Variants in C8orf34 observed in about 807,000 individuals in gnomAD.
C8orf34 encodes chromosome 8 open reading frame 34, also known as uncharacterized protein C8orf34.
Under a neutral mutation model 68.3 loss-of-function variants are expected in C8orf34, and 65 were observed. That is an observed-to-expected ratio of 0.95 (90% CI 0.78 to 1.17). The LOEUF is 1.17. C8orf34 is among the 50% of genes most tolerant of loss of function. The probability of loss-of-function intolerance (pLI) is 0.00; values close to 1 mark genes in which losing one functional copy is unlikely to be tolerated. For synonymous variants in C8orf34, 244 were observed against 241.2 expected (o/e 1.01, Z -0.11); for missense variants, 664 against 655.4 (o/e 1.01, Z -0.14).
intron 4 of C8orf34, among the ~76,000 whole-genome samples, chr8:68,485,122 A>C (rs1813019490): frequency 6.6e-6 from 1 of 152,168 alleles, no homozygotes; most frequent in Non-Finnish European, 1.5e-5. Context: ...CAACTGCTAA[A>C]ATTTTCCAGC....
intron 1 of C8orf34, among the ~76,000 whole-genome samples, chr8:68,420,367 A>G (rs975963008): frequency 6.6e-6 from 1 of 151,176 alleles, no homozygotes; most frequent in Non-Finnish European, 1.5e-5. Flanking sequence ...GGAATTCCAG[A>G]AAAAAAAATG....
chr8:68,404,881 G>GT lies in C8orf34; in HGVS notation c.328-34610dup, dbSNP rs531825167. Among the ~76,000 whole-genome samples, 13 of 151,740 alleles carry GT rather than the reference G, an allele frequency of 8.6e-5. No homozygotes were observed. The South Asian group carries it at 1.7e-3, about 19-fold the overall frequency. On this transcript the variant is annotated intron_variant, in intron 1 of 13. Transcript: ENST00000518698. ...GGCTCTTTTTTTGAAATTTAAAGTA[G>GT]TTTTTTTTCTAATTCTGTGAAGAAA...
intron 5 of C8orf34, among the ~76,000 whole-genome samples, chr8:68,515,161 TGTCA>T (rs1213036891): frequency 6.6e-6 from 1 of 152,190 alleles, no homozygotes; most frequent in Non-Finnish European, 1.5e-5. Flanking sequence ...ATACAATTTT[TGTCA>T]GTCATACGAT....
chr8:68,672,710 C>T (rs1820051833), intron 8 of C8orf34, among the ~76,000 whole-genome samples: 1 of 152,158 alleles, frequency 6.6e-6, no homozygotes, highest in African/African-American at 2.4e-5. Context: ...ATGACAATTC[C>T]TGGGCAAGTC....
rs191069600 is a variant in C8orf34, at chr8:68,437,674, C to T, written c.328-1825C>T. 9.9e-5 allele frequency among the ~76,000 whole-genome samples: 15 copies of T among 152,112 alleles called. No individual in the cohort carries two copies. In the East Asian group the frequency reaches 2.9e-3, roughly 29 times the overall value. On this transcript the variant is annotated intron_variant, in intron 1 of 13. Transcript: ENST00000518698. ...ATTATAATTGAAATATTAAATAGCA[C>T]AAATGAATAATACCTGTGACAACTG...
intron 1 of C8orf34, among the ~76,000 whole-genome samples, chr8:68,401,555 T>A (rs1808955401): frequency 6.6e-6 from 1 of 152,052 alleles, no homozygotes; most frequent in South Asian, 2.1e-4. Flanking sequence ...GTTCCTTCTA[T>A]GCCCATTCGT....
intron 7 of C8orf34, among the ~76,000 whole-genome samples, chr8:68,563,689 C>T (rs1816500305): frequency 6.6e-6 from 1 of 151,512 alleles, no homozygotes; most frequent in South Asian, 2.1e-4. Flanking sequence ...TCCATCAACA[C>T]TCAGTTTGTC....
intron 10 of C8orf34, among the ~76,000 whole-genome samples, chr8:68,744,081 C>T (rs888039308): frequency 6.6e-6 from 1 of 152,144 alleles, no homozygotes; most frequent in African/African-American, 2.4e-5. Context: ...TGACCCCTGA[C>T]CCCCAAGCAG....
At chr8:68,382,969 A>G (rs1808107459) in intron 1 of C8orf34, among the ~76,000 whole-genome samples, 1 of 152,188 alleles carries the variant, frequency 6.6e-6, no homozygotes, top group African/African-American at 2.4e-5. Flanking sequence ...GACAGGAGCT[A>G]GAAAATGAAA....
At chr8:68,433,009 A>T (rs1236297425) in intron 1 of C8orf34, among the ~76,000 whole-genome samples, 1 of 152,316 alleles carries the variant, frequency 6.6e-6, no homozygotes, top group East Asian at 1.9e-4. Flanking sequence ...TCAATTTTAA[A>T]TGGGGGCAAT....
At chr8:68,461,125 G>C (rs199678249) in intron 3 of C8orf34, among the ~76,000 whole-genome samples, 3 of 152,328 alleles carry the variant, frequency 2.0e-5, no homozygotes, top group East Asian at 1.9e-4. Context: ...AGCCAAGGCT[G>C]GAGAACTACG....
intron 7 of C8orf34, among the ~76,000 whole-genome samples, chr8:68,572,205 G>T (rs543680134): frequency 2.1e-4 from 31 of 150,886 alleles, no homozygotes; most frequent in African/African-American, 6.6e-4. Flanking sequence ...TGACTGAAAC[G>T]TTATGTGGAT....
intron 1 of C8orf34, among the ~76,000 whole-genome samples, chr8:68,351,332 A>C (rs1806504975): frequency 6.6e-6 from 1 of 151,900 alleles, no homozygotes; most frequent in African/African-American, 2.4e-5. Flanking sequence ...AGATCCAATT[A>C]GCTTGATAAG....
chr8:68,540,307 G>A (rs1013644652), intron 7 of C8orf34, among the ~76,000 whole-genome samples: 5 of 149,330 alleles, frequency 3.3e-5, no homozygotes, highest in Non-Finnish European at 7.4e-5. Context: ...AATAAATGAT[G>A]TATTTCTTAT....
At chr8:68,412,359 T>G (rs1448317599) in intron 1 of C8orf34, among the ~76,000 whole-genome samples, 2 of 152,192 alleles carry the variant, frequency 1.3e-5, no homozygotes, top group Admixed American at 1.3e-4. Context: ...TTTTCCTAGC[T>G]GAGAAATAGT....
chr8:68,646,908 A>C (rs1159264871), intron 8 of C8orf34, among the ~76,000 whole-genome samples: 1 of 152,216 alleles, frequency 6.6e-6, no homozygotes, highest in Non-Finnish European at 1.5e-5. Context: ...GCTATTATGA[A>C]TAATGCTGCA....
At chr8:68,412,549 C>T (rs1158667352) in intron 1 of C8orf34, among the ~76,000 whole-genome samples, 1 of 152,150 alleles carries the variant, frequency 6.6e-6, no homozygotes, top group African/African-American at 2.4e-5. Flanking sequence ...GTAGTTTTAA[C>T]TCTGAATTAT....
At position 68,410,816 on chromosome 8, in the gene C8orf34, C is replaced by T. The variant is rs116474656; in HGVS notation, c.328-28683C>T. ...TTGACTTTCTCCTGTGGGTAAAAGCCGCAACTGCCAACAGCACCCCTTCCT... is the reference window on the plus strand; with the variant it reads ...TTGACTTTCTCCTGTGGGTAAAAGCTGCAACTGCCAACAGCACCCCTTCCT... On this transcript the variant is annotated intron_variant, in intron 1 of 13. Coordinates refer to ENST00000518698, the MANE Select transcript of C8orf34 (RefSeq NM_052958.4). Among the ~76,000 whole-genome samples the T allele has an allele frequency of 8.6e-3, 1,305 of 152,232 alleles. 25 individuals carry two copies. The highest frequency in any genetic ancestry group is 0.029 in the African/African-American group (1,214 of 41,522).
chr8:68,597,976 A>G (rs1382671658), intron 7 of C8orf34, among the ~76,000 whole-genome samples: 2 of 152,184 alleles, frequency 1.3e-5, no homozygotes, highest in African/African-American at 4.8e-5. Context: ...TACATTCAAG[A>G]ACATTAATAT....
Sources: allele counts gnomAD v4.1 joint callset (sites outside exome capture counted in the v4.1 genomes callset), GRCh38; gene constraint gnomAD v4.1.1; transcripts MANE v1.5; gene names NCBI Gene and HGNC (gene_info 2026-07-23, HGNC 2026-07-21).